Variants in KIF16B observed in about 807,000 individuals in gnomAD.
The protein encoded by KIF16B is kinesin-like protein KIF16B.
A neutral mutation model predicts 156.3 loss-of-function variants in KIF16B; 98 were observed. That is an observed-to-expected ratio of 0.63 (90% CI 0.53 to 0.74). KIF16B has a LOEUF of 0.74. KIF16B is among the 30% of genes least tolerant of loss of function. The probability of loss-of-function intolerance (pLI) is 0.00; values close to 1 mark genes in which losing one functional copy is unlikely to be tolerated. For synonymous variants in KIF16B, 564 were observed against 583.7 expected, an observed-to-expected ratio of 0.97 and a Z score of 0.49; for missense variants, 1,421 against 1,606.5, an observed-to-expected ratio of 0.88 and a Z score of 1.97.
At chr20:16,420,488 C>G (rs775016878) in intron 15 of KIF16B, among the ~76,000 whole-genome samples, 1 of 152,028 alleles carries the variant, frequency 6.6e-6, no homozygotes, top group African/African-American at 2.4e-5. Context: ...AAAGAGACAT[C>G]TGAATACCAA....
chr20:16,557,154 T>TACACACACACAC (rs1237641077), intron 1 of KIF16B, among the ~76,000 whole-genome samples: 7 of 114,406 alleles, frequency 6.1e-5, no homozygotes, highest in African/African-American at 2.7e-4. Context: ...ATACTATATA[T>TACACACACACAC]ATATACACAC....
chr20:16,474,524 C>G (rs1437086650), intron 12 of KIF16B, among the ~76,000 whole-genome samples: 1 of 152,108 alleles, frequency 6.6e-6, no homozygotes, highest in African/African-American at 2.4e-5. Flanking sequence ...AAACAACTTC[C>G]TAGCCTTCCT....
intron 23 of KIF16B, among the ~76,000 whole-genome samples, chr20:16,350,104 T>G (rs1428518835): frequency 1.3e-5 from 2 of 152,262 alleles, no homozygotes; most frequent in African/African-American, 4.8e-5. Flanking sequence ...AAGAGGAGAC[T>G]GTTACTATGG....
intron 25 of KIF16B, among the ~76,000 whole-genome samples, chr20:16,299,113 T>C (rs1250738655): frequency 1.3e-5 from 2 of 152,190 alleles, no homozygotes; most frequent in Non-Finnish European, 2.9e-5. Context: ...GATAGTATTG[T>C]GGTTACATTT....
intron 25 of KIF16B, among the ~76,000 whole-genome samples, chr20:16,307,321 T>C (rs1174713806): frequency 2.0e-5 from 3 of 152,222 alleles, no homozygotes; most frequent in Non-Finnish European, 4.4e-5. Context: ...AATGCACCTT[T>C]CATCAATGAA....
At chr20:16,311,786 AGT>A (rs2122705262) in intron 25 of KIF16B, among the ~76,000 whole-genome samples, 1 of 152,382 alleles carries the variant, frequency 6.6e-6, no homozygotes, top group Admixed American at 6.5e-5. Context: ...TAGATAAAGC[AGT>A]CAACAATGTG....
intron 15 of KIF16B, among the ~76,000 whole-genome samples, chr20:16,422,327 T>C (rs372479349): frequency 4.9e-4 from 74 of 152,260 alleles, no homozygotes; most frequent in Non-Finnish European, 9.0e-4. Flanking sequence ...CTTTTTGGTG[T>C]TTGGAATTCA....
intron 25 of KIF16B, among the ~76,000 whole-genome samples, chr20:16,300,111 T>C (rs561058241): frequency 1.1e-4 from 17 of 152,332 alleles, no homozygotes; most frequent in African/African-American, 4.1e-4. Context: ...CATATTTCCT[T>C]CTTGGCTTCT....
chr20:16,555,916 A>C (rs560179247), intron 1 of KIF16B, among the ~76,000 whole-genome samples: 2 of 152,260 alleles, frequency 1.3e-5, no homozygotes, highest in Non-Finnish European at 2.9e-5. Context: ...TAATTCATTT[A>C]TTAGTCATTA....
chr20:16,508,296 C>A (rs973621344), intron 6 of KIF16B, among the ~76,000 whole-genome samples, 196 bp from the exon 7 acceptor site: 3 of 152,190 alleles, frequency 2.0e-5, no homozygotes, highest in African/African-American at 7.2e-5. Flanking sequence ...AGCTCTGCTG[C>A]TTACTAGCCG....
At chr20:16,325,457 C>T (rs769147399) in intron 24 of KIF16B, among the ~76,000 whole-genome samples, 32 of 151,694 alleles carry the variant, frequency 2.1e-4, no homozygotes, top group Non-Finnish European at 3.4e-4. Flanking sequence ...AGTAAAGTTT[C>T]AGGATACAAA....
intron 15 of KIF16B, among the ~76,000 whole-genome samples, chr20:16,411,255 C>G (rs1440777688): frequency 6.6e-6 from 1 of 151,378 alleles, no homozygotes; most frequent in Non-Finnish European, 1.5e-5. Context: ...GGGATCCACT[C>G]TTTTAATACA....
At chr20:16,290,650 C>T (rs927696974) in intron 25 of KIF16B, among the ~76,000 whole-genome samples, 2 of 152,158 alleles carry the variant, frequency 1.3e-5, no homozygotes, top group Non-Finnish European at 2.9e-5. Flanking sequence ...CAGAAACTGC[C>T]CTGTGTCCCT....
rs757511911 is a variant in KIF16B at position 16,511,413 on chromosome 20, C to G, written c.556+5G>C. The G allele has an allele frequency of 6.6e-7, 1 of 1,513,236 alleles. No individual in the cohort carries two copies. The highest frequency in any genetic ancestry group is 1.2e-5 in the South Asian group (1 of 83,446). 93.7% of individuals were successfully genotyped at this position (1,513,236 alleles called of 1,614,324 possible). The stretch of plus-strand genomic sequence containing the variant: ...AGAATATGGCTGTGAAATATCTACT[C>G]TTACCCTCAACATAAGGGCCTTCTT... On this transcript the variant is annotated splice_donor_5th_base_variant and intron_variant, in intron 6 of 25. Coordinates refer to ENST00000354981, the MANE Select transcript of KIF16B (RefSeq NM_024704.5).
chr20:16,325,888 A>G (rs1327359529), intron 24 of KIF16B, among the ~76,000 whole-genome samples: 2 of 152,166 alleles, frequency 1.3e-5, no homozygotes, highest in African/African-American at 2.4e-5. Flanking sequence ...ACTTTACCCA[A>G]CTTCAAACTA....
At chr20:16,310,797 T>C (rs115053267) in intron 25 of KIF16B, among the ~76,000 whole-genome samples, 27 of 152,320 alleles carry the variant, frequency 1.8e-4, no homozygotes, top group African/African-American at 6.3e-4. Context: ...CCATTCTAGG[T>C]TGAATTACTT....
intron 12 of KIF16B, among the ~76,000 whole-genome samples, chr20:16,440,250 T>C (rs1403196473): frequency 6.6e-6 from 1 of 152,084 alleles, no homozygotes; most frequent in Non-Finnish European, 1.5e-5. Flanking sequence ...TCAGTCCCGT[T>C]TTTAATGCTC....
intron 22 of KIF16B, among the ~76,000 whole-genome samples, chr20:16,359,289 T>C (rs2123178966): frequency 6.6e-6 from 1 of 152,262 alleles, no homozygotes; most frequent in South Asian, 2.1e-4. Context: ...GCAGTCTTTG[T>C]GATAATGAGT....
chr20:16,382,145 G>A (rs1007440686), intron 17 of KIF16B: 2 of 1,091,466 alleles, frequency 1.8e-6, no homozygotes, highest in African/African-American at 1.6e-5. Flanking sequence ...CAGGGAGGTG[G>A]AGAGAGAGAG....
Sources: allele counts gnomAD v4.1 joint callset (sites outside exome capture counted in the v4.1 genomes callset), GRCh38; gene constraint gnomAD v4.1.1; transcripts MANE v1.5; gene names NCBI Gene and HGNC (gene_info 2026-07-23, HGNC 2026-07-21).